Variants in WWOX observed in about 807,000 individuals in gnomAD.
WWOX encodes WW domain-containing oxidoreductase.
Under a neutral mutation model 46.2 loss-of-function variants are expected in WWOX, and 69 were observed. The ratio of observed to expected loss-of-function variants is 1.49; its 90% CI spans 1.23 to 1.82. WWOX has a LOEUF of 1.82. Among genes scored for constraint, WWOX ranks in the 40% most tolerant of loss-of-function variants. WWOX has a pLI of 0.00. For synonymous variants in WWOX, 359 were observed against 202.6 expected (o/e 1.77, Z -6.56); for missense variants, 919 against 542.6 (o/e 1.69, Z -6.89).
intron 4 of WWOX, among the ~76,000 whole-genome samples, chr16:78,148,721 C>T (rs2034294310): frequency 6.6e-6 from 1 of 151,642 alleles, no homozygotes; most frequent in Non-Finnish European, 1.5e-5. Flanking sequence ...CACGGTGAAA[C>T]CCCGTCTCTA....
At chr16:78,475,129 A>T (rs145325062) in intron 8 of WWOX, among the ~76,000 whole-genome samples, 2 of 152,174 alleles carry the variant, frequency 1.3e-5, no homozygotes, top group Admixed American at 1.3e-4. Flanking sequence ...CTCTCCCTCA[A>T]TATAGCTGTA....
chr16:78,367,271 A>T (rs984507512), intron 5 of WWOX, among the ~76,000 whole-genome samples: 1 of 151,956 alleles, frequency 6.6e-6, no homozygotes, highest in African/African-American at 2.4e-5. Context: ...GAGCCACCGC[A>T]CCCAGCCGAA....
chr16:78,909,918 T>A lies in WWOX; in HGVS notation c.1057-301690T>A, dbSNP rs548306142. Among the ~76,000 whole-genome samples the A allele has an allele frequency of 2.6e-5, 4 of 152,320 alleles. 1 individual carries two copies. The highest frequency in any genetic ancestry group is 2.1e-4 in the South Asian group (1 of 4,812). The stretch of plus-strand genomic sequence containing the variant: ...TTAGCAAAATAAGATGTCAAGCTAA[T>A]TGTAATGATATTTCTGGGGTTTCAT... On this transcript the variant is annotated intron_variant, in intron 8 of 8. Transcript: ENST00000566780.
intron 8 of WWOX, among the ~76,000 whole-genome samples, chr16:78,956,622 T>A (rs2046172498): frequency 6.6e-6 from 1 of 152,110 alleles, no homozygotes; most frequent in East Asian, 1.9e-4. Context: ...TCATGTCATA[T>A]CATATCATAT....
intron 5 of WWOX, among the ~76,000 whole-genome samples, chr16:78,362,791 G>A (rs958641896): frequency 6.6e-5 from 10 of 152,140 alleles, no homozygotes; most frequent in African/African-American, 9.7e-5. Flanking sequence ...TATACCACAA[G>A]CATTATCTTC....
intron 8 of WWOX, among the ~76,000 whole-genome samples, chr16:78,976,011 G>T (rs184921021): frequency 6.6e-6 from 1 of 152,284 alleles, no homozygotes; most frequent in Admixed American, 6.5e-5. Context: ...TTATGGAGAT[G>T]CCATGTCCTT....
At chr16:78,207,303 C>T (rs1306721422) in intron 5 of WWOX, among the ~76,000 whole-genome samples, 1 of 152,042 alleles carries the variant, frequency 6.6e-6, no homozygotes, top group East Asian at 1.9e-4. Context: ...GACTATTCTT[C>T]TACATAAATT....
chr16:78,511,589 A>T (rs921884184), intron 8 of WWOX, among the ~76,000 whole-genome samples: 3 of 152,056 alleles, frequency 2.0e-5, no homozygotes, highest in African/African-American at 4.8e-5. Flanking sequence ...CTCCCAATAT[A>T]TTTCTTGTTA....
At chr16:78,566,187 C>G (rs74029568) in intron 8 of WWOX, among the ~76,000 whole-genome samples, 1 of 152,066 alleles carries the variant, frequency 6.6e-6, no homozygotes, top group Non-Finnish European at 1.5e-5. Context: ...TCCCATCGTA[C>G]CCCGTCCCCC....
chr16:78,814,058 C>G (rs12925461), intron 8 of WWOX, among the ~76,000 whole-genome samples: 98,709 of 152,096 alleles, frequency 0.65, 32,179 homozygotes, highest in Middle Eastern at 0.72. Flanking sequence ...TCTGCACTTA[C>G]CAATACTGCC....
intron 8 of WWOX, among the ~76,000 whole-genome samples, chr16:78,868,837 T>C (rs1162093993): frequency 6.6e-6 from 1 of 152,204 alleles, no homozygotes; most frequent in African/African-American, 2.4e-5. Context: ...GCTCTTCTAG[T>C]CCTTATGCTA....
At chr16:78,433,924 G>C (rs1356943772) in intron 8 of WWOX, among the ~76,000 whole-genome samples, 2 of 151,092 alleles carry the variant, frequency 1.3e-5, no homozygotes, top group South Asian at 2.1e-4. Context: ...CAAGTAGCTG[G>C]GACTACAGGC....
intron 8 of WWOX, chr16:78,506,529 A>G (rs8055733): frequency 6.6e-6 from 1 of 151,748 alleles, no homozygotes; most frequent in African/African-American, 2.4e-5. Context: ...CTCCCTTTCT[A>G]TATCTGTCCC....
chr16:79,039,049 C>T (rs535385939), intron 8 of WWOX, among the ~76,000 whole-genome samples: 5 of 151,876 alleles, frequency 3.3e-5, no homozygotes, highest in Admixed American at 6.6e-5. Flanking sequence ...TAAACCTCTA[C>T]GTTGGGATTC....
intron 8 of WWOX, among the ~76,000 whole-genome samples, chr16:79,156,938 A>G (rs147286331): frequency 1.3e-5 from 2 of 152,244 alleles, no homozygotes; most frequent in African/African-American, 4.8e-5. Flanking sequence ...TATGTGAATT[A>G]TCATCAGAAG....
At chr16:78,177,576 G>T (rs2035391759) in intron 5 of WWOX, among the ~76,000 whole-genome samples, 1 of 152,202 alleles carries the variant, frequency 6.6e-6, no homozygotes, top group African/African-American at 2.4e-5. Flanking sequence ...TTTGTCCTGG[G>T]AATGGAGATG....
intron 8 of WWOX, among the ~76,000 whole-genome samples, chr16:78,733,162 A>C (rs1462158156): frequency 2.0e-5 from 3 of 152,350 alleles, no homozygotes; most frequent in African/African-American, 7.2e-5. Flanking sequence ...TTTTATGCAC[A>C]GCTATTTATA....
intron 5 of WWOX, among the ~76,000 whole-genome samples, chr16:78,359,123 T>C (rs11644423): frequency 0.74 from 112,369 of 151,996 alleles, 42,989 homozygotes; most frequent in African/African-American, 0.84. Flanking sequence ...ACTCTTTCTG[T>C]AGCAGTGTCT....
chr16:78,792,374 A>C (rs1367117789), intron 8 of WWOX, among the ~76,000 whole-genome samples: 1 of 152,146 alleles, frequency 6.6e-6, no homozygotes, highest in African/African-American at 2.4e-5. Context: ...TAGAAACAGA[A>C]AAAAACAGGC....
Sources: gnomAD v4.1 joint callset for allele counts (sites outside exome capture counted in the v4.1 genomes callset) on GRCh38, gnomAD v4.1.1 for gene constraint, MANE v1.5 for transcripts, NCBI Gene and HGNC (gene_info 2026-07-23, HGNC 2026-07-21) for gene names.